Variants in ZNF76 observed in about 807,000 individuals in gnomAD.
ZNF76 encodes zinc finger protein 523.
Under a neutral mutation model 66.9 loss-of-function variants are expected in ZNF76, and 66 were observed. The ratio of observed to expected loss-of-function variants is 0.99; its 90% CI spans 0.81 to 1.21. ZNF76 has a LOEUF of 1.21. Ranked by LOEUF, ZNF76 falls within the 50% of genes most tolerant of loss-of-function variation. The probability of loss-of-function intolerance (pLI) is 0.00; values close to 1 mark genes in which losing one functional copy is unlikely to be tolerated. For missense variants in ZNF76, 729 were observed against 760.3 expected, an observed-to-expected ratio of 0.96 and a Z score of 0.48; for synonymous variants, 275 against 296.1, an observed-to-expected ratio of 0.93 and a Z score of 0.73.
rs1468840006 is a variant in ZNF76 at position 35,292,586 on chromosome 6, T to C, written c.964T>C (p.Cys322Arg). The change falls in exon 10 of 14, where the codon TGC becomes CGC. Residue 322 changes from cysteine (C) to arginine (R), a missense_variant. Cys to Arg is a radical substitution (Grantham distance 180). Transcript: ENST00000373953. This position sits in a 1 kb window ranked among gnomAD's most constrained non-coding sequence, Gnocchi z 4.7. ...EKPYVCTVPG[C>R]GKRFTEYSSL... ...GCCATACGTTTGCACGGTGCCAGGCTGCGGGAAACGCTTCACCGAGTACTC... is the reference window on the plus strand; with the variant it reads ...GCCATACGTTTGCACGGTGCCAGGCCGCGGGAAACGCTTCACCGAGTACTC... 1.9e-6 allele frequency: 3 copies of C among 1,613,434 alleles called. No homozygotes were observed. The highest frequency in any genetic ancestry group is 2.2e-5 in the East Asian group (1 of 44,850).
intron 12 of ZNF76, 172 bp downstream of exon 12, chr6:35,294,087 G>A (rs1291214290): frequency 3.4e-5 from 25 of 735,080 alleles, no homozygotes. Context: ...ACCTTTAAAA[G>A]CAGTTGAATG....
At chr6:35,293,544 A>T (rs1790748492) in intron 11 of ZNF76, among the ~76,000 whole-genome samples, 1 of 152,214 alleles carries the variant, frequency 6.6e-6, no homozygotes, top group Non-Finnish European at 1.5e-5. Flanking sequence ...AAGTGGTGAT[A>T]AATAGAAGTA....
At chr6:35,278,397 G>A (rs1227178137) in intron 1 of ZNF76, among the ~76,000 whole-genome samples, 1 of 152,142 alleles carries the variant, frequency 6.6e-6, no homozygotes, top group African/African-American at 2.4e-5. Flanking sequence ...CGAACTCCTG[G>A]ATGGTCTATA....
chr6:35,273,843 G>A (rs1045387125), intron 1 of ZNF76, among the ~76,000 whole-genome samples: 25 of 142,752 alleles, frequency 1.8e-4, no homozygotes, highest in African/African-American at 5.2e-4. Context: ...TTTAAATGGC[G>A]CTTCTTCTTT....
chr6:35,294,335 AC>A (rs1790870451), intron 12 of ZNF76, 120 bp from the exon 13 acceptor site: 1 of 704,988 alleles, frequency 1.4e-6, no homozygotes, highest in African/African-American at 1.8e-5. Context: ...TCTGACCCAT[AC>A]GGTTTTATCC....
At position 35,292,645 on chromosome 6, in the gene ZNF76, C is replaced by A; in HGVS notation, c.1023C>A (p.His341Gln). The A allele has an allele frequency of 6.2e-7, 1 of 1,614,170 alleles. No homozygotes were observed. Among genetic ancestry groups the A allele is most frequent in the Middle Eastern group, 1.6e-4 (1 of 6,062 alleles). Reference sequence around the variant, plus strand: ...ATAAGCACCACGTGGTGCACACACACTGCAAGCCCTACACCTGCAGCACCT... The same window carrying A: ...ATAAGCACCACGTGGTGCACACACAATGCAAGCCCTACACCTGCAGCACCT... ...SLYKHHVVHT[H>Q]CKPYTCSTCG... Residue 341 changes from histidine to glutamine, a missense_variant, in exon 10 of 14, where the codon CAC becomes CAA. His to Gln is a conservative substitution (Grantham distance 24, BLOSUM62 0). Coordinates refer to ENST00000373953, the MANE Select transcript of ZNF76 (RefSeq NM_003427.5). The surrounding 1 kb of genome is among the most constrained non-coding windows in gnomAD (Gnocchi z 4.7).
At chr6:35,291,840 T>G (rs1167347885) in intron 9 of ZNF76, 103 bp downstream of exon 9, 3 of 1,406,020 alleles carry the variant, frequency 2.1e-6, no homozygotes, top group Non-Finnish European at 2.9e-6. Context: ...CCAGAACCCT[T>G]CTGTGCCAGC....
At chr6:35,279,201 C>T (rs1409104215) in intron 1 of ZNF76, 2 of 165,346 alleles carry the variant, frequency 1.2e-5, no homozygotes, top group Non-Finnish European at 2.9e-5. Context: ...GGCACAGCGT[C>T]ACACAGATTC....
At chr6:35,267,042 G>A (rs369915140) in intron 1 of ZNF76, among the ~76,000 whole-genome samples, 43 of 151,666 alleles carry the variant, frequency 2.8e-4, no homozygotes, top group South Asian at 1.5e-3. Context: ...TTTGTGATCC[G>A]CCCGCCTTGG....
At chr6:35,289,145 C>T (rs1432337312) in intron 5 of ZNF76, among the ~76,000 whole-genome samples, 1 of 151,994 alleles carries the variant, frequency 6.6e-6, no homozygotes, top group Non-Finnish European at 1.5e-5. Flanking sequence ...TTGGGTGAGT[C>T]CCTCCTCTCC....
At chr6:35,272,469 C>CTG (rs58456911) in intron 1 of ZNF76, among the ~76,000 whole-genome samples, 5,209 of 149,406 alleles carry the variant, frequency 0.035, 190 homozygotes, top group East Asian at 0.18. Context: ...GACCCTGTTT[C>CTG]TGTGTGTGTG....
At chr6:35,276,133 A>G (rs1787860410) in intron 1 of ZNF76, among the ~76,000 whole-genome samples, 1 of 152,228 alleles carries the variant, frequency 6.6e-6, no homozygotes. Context: ...TTTAAGATTA[A>G]GAGTTAATAT....
intron 13 of ZNF76, 152 bp downstream of exon 13, chr6:35,294,721 A>G: frequency 1.4e-6 from 1 of 702,946 alleles, no homozygotes; most frequent in South Asian, 1.5e-5. Flanking sequence ...GCATCCATGC[A>G]TCTGTCTCAG....
intron 2 of ZNF76, among the ~76,000 whole-genome samples, chr6:35,285,164 ATC>A (rs1473066692): frequency 6.6e-6 from 1 of 152,236 alleles, no homozygotes; most frequent in Non-Finnish European, 1.5e-5. Context: ...GAAGAGTAAT[ATC>A]TTAGGAAATC....
intron 1 of ZNF76, among the ~76,000 whole-genome samples, chr6:35,267,677 C>T (rs576486818): frequency 6.6e-6 from 1 of 152,342 alleles, no homozygotes; most frequent in South Asian, 2.1e-4. Context: ...GCACCGCAGA[C>T]AACCCCCTGT....
At chr6:35,294,745 T>A in intron 13 of ZNF76, 176 bp downstream of exon 13, 1 of 662,180 alleles carries the variant, frequency 1.5e-6, no homozygotes, top group Non-Finnish European at 2.7e-6. Flanking sequence ...CGCTCTTGGC[T>A]GAGGCAGAAT....
At chr6:35,279,923 C>G (rs1344967085) in intron 1 of ZNF76, 1 of 152,076 alleles carries the variant, frequency 6.6e-6, no homozygotes, top group Non-Finnish European at 1.5e-5. Flanking sequence ...TTTCAAATTC[C>G]TGGGGTCAGG....
intron 1 of ZNF76, among the ~76,000 whole-genome samples, chr6:35,277,653 TAA>T (rs1396585197): frequency 2.0e-5 from 3 of 152,238 alleles, no homozygotes; most frequent in East Asian, 3.8e-4. Flanking sequence ...TTGTTAGAAC[TAA>T]ATGAGTTAAT....
intron 2 of ZNF76, among the ~76,000 whole-genome samples, chr6:35,285,641 A>C (rs764132548): frequency 6.6e-6 from 1 of 152,194 alleles, no homozygotes; most frequent in African/African-American, 2.4e-5. Context: ...TCCAGAGTCT[A>C]TTGTTTTTAA....
Sources: allele counts gnomAD v4.1 joint callset (sites outside exome capture counted in the v4.1 genomes callset), GRCh38; gene constraint gnomAD v4.1.1; non-coding constraint Gnocchi (gnomAD v3.1); transcripts MANE v1.5; gene names NCBI Gene and HGNC (gene_info 2026-07-23, HGNC 2026-07-21).